ZCCHC14: variants seen among roughly 807,000 people sequenced by gnomAD.
ZCCHC14 encodes the protein zinc finger CCHC domain-containing protein 14.
A neutral mutation model predicts 85.0 loss-of-function variants in ZCCHC14; 16 were observed. The ratio of observed to expected loss-of-function variants is 0.19; its 90% CI spans 0.13 to 0.29. ZCCHC14 has a LOEUF of 0.29. ZCCHC14 is among the 10% of genes least tolerant of loss of function. The pLI is 1.00. For missense variants in ZCCHC14, 1,303 were observed against 1,443.5 expected, an observed-to-expected ratio of 0.90 and a Z score of 1.58; for synonymous variants, 775 against 630.7, an observed-to-expected ratio of 1.23 and a Z score of -3.43.
At chr16:87,478,631 C>T (rs975356981) in intron 1 of ZCCHC14, among the ~76,000 whole-genome samples, 31 of 148,618 alleles carry the variant, frequency 2.1e-4, no homozygotes, top group African/African-American at 7.1e-4. Context: ...TTTTTTGAGA[C>T]GGAGTCTCAC....
intron 10 of ZCCHC14, among the ~76,000 whole-genome samples, chr16:87,414,120 C>T (rs1305468643): frequency 7.3e-6 from 1 of 136,482 alleles, no homozygotes; most frequent in Admixed American, 7.1e-5. Flanking sequence ...GGCACACCGG[C>T]CCTCTCTGTG....
Position 87,492,726 on chromosome 16 carries a change from C to G in ZCCHC14, c.-488G>C, listed in dbSNP as rs1230639596. The G allele has an allele frequency of 1.4e-5, 2 of 146,494 alleles. No individual in the cohort carries two copies. The highest frequency in any genetic ancestry group is 3.0e-5 in the Non-Finnish European group (2 of 65,850). The allele number at this position is 146,494 out of a possible 1,614,324, so 9.1% of individuals were successfully genotyped here. ...CATGCCGTCGCCGCCGCCCGCGCCT[C>G]CGCCCAGGCCGGCCGTTACCCCGGG... On this transcript the variant is annotated 5_prime_UTR_variant, in exon 1 of 13. Coordinates refer to ENST00000671377, the MANE Select transcript of ZCCHC14 (RefSeq NM_015144.3). This position sits in a 1 kb window ranked among gnomAD's most constrained non-coding sequence, Gnocchi z 6.7.
chr16:87,474,180 GC>G (rs1911899467), intron 1 of ZCCHC14: 1 of 152,398 alleles, frequency 6.6e-6, no homozygotes, highest in South Asian at 2.1e-4. Context: ...GCCCAGGCCT[GC>G]TTCTCTGGCA....
At chr16:87,465,532 C>T (rs887269049) in intron 1 of ZCCHC14, among the ~76,000 whole-genome samples, 5 of 152,236 alleles carry the variant, frequency 3.3e-5, no homozygotes, top group African/African-American at 1.2e-4. Flanking sequence ...ACTGAGGTTC[C>T]ACAGTGGCCA....
Position 87,412,443 on chromosome 16 carries a change from T to C in ZCCHC14, c.2278A>G (p.Thr760Ala), listed in dbSNP as rs1908513418. ...TGGAGGACTGTGCTGGGCGTCCCCG[T>C]GGCGGCCGTGCTGGTCTCCACGACC... The part of the protein sequence containing the change: ...ALVVETSTAA[T>A]GTPSTVLHAA... The change falls in exon 12 of 13, where the codon ACG becomes GCG. Residue 760 changes from threonine to alanine, a missense_variant. Thr to Ala is a moderately conservative substitution (Grantham distance 58, BLOSUM62 0). Around this residue, in one of 7 missense-constraint regions of ZCCHC14, gnomAD observed 797 missense variants for 730.8 expected, o/e 1.09. Transcript: ENST00000671377. The C allele has an allele frequency of 2.5e-6, 4 of 1,613,956 alleles. No individual in the cohort carries two copies. Among genetic ancestry groups the C allele is most frequent in the African/African-American group, 2.7e-5 (2 of 75,048 alleles).
At chr16:87,441,640 T>G in intron 2 of ZCCHC14, among the ~76,000 whole-genome samples, 1 of 152,222 alleles carries the variant, frequency 6.6e-6, no homozygotes, top group East Asian at 1.9e-4. Context: ...AGGGGCTTTA[T>G]TGTAGGAAAA....
At chr16:87,487,895 C>T (rs1383649533) in intron 1 of ZCCHC14, among the ~76,000 whole-genome samples, 3 of 148,292 alleles carry the variant, frequency 2.0e-5, no homozygotes, top group African/African-American at 7.5e-5. Context: ...AAGGGCCACA[C>T]GGTGTGTGGT....
chr16:87,423,053 C>T (rs982273843), intron 4 of ZCCHC14, among the ~76,000 whole-genome samples: 6 of 152,174 alleles, frequency 3.9e-5, no homozygotes, highest in African/African-American at 1.4e-4. Flanking sequence ...AAAAGTAAGG[C>T]TCTCTTTGGA....
intron 1 of ZCCHC14, among the ~76,000 whole-genome samples, chr16:87,488,351 G>C (rs571280631): frequency 1.2e-4 from 18 of 152,286 alleles, no homozygotes; most frequent in African/African-American, 2.6e-4. Flanking sequence ...GCAAGCAGCA[G>C]CATTACCGGC....
chr16:87,491,930 G>A lies in ZCCHC14; in HGVS notation c.309C>T (p.Gly103=), dbSNP rs1912791282. ...TGTGCGTGAGCGTGCGGTAGAGCAC[G>A]CCCGCCGCCTCGCGCTGCTCCGAGC... ...LLGSEQREAA[G]VLYRTLTHID... is the part of the protein sequence containing the mutation. The change falls in exon 1 of 13, where the codon GGC becomes GGT. Residue 103 remains glycine, a synonymous_variant. Transcript: ENST00000671377. This position sits in a 1 kb window ranked among gnomAD's most constrained non-coding sequence, Gnocchi z 5.9. 6.8e-7 allele frequency: 1 copy of A among 1,467,090 alleles called. No individual in the cohort carries two copies. The highest frequency in any genetic ancestry group is 1.5e-5 in the African/African-American group (1 of 67,362). 90.9% of individuals were successfully genotyped at this position (1,467,090 alleles called of 1,614,324 possible). A position where few individuals can be genotyped will look rare whatever the true frequency, so the allele number is the denominator to read the frequency against.
At chr16:87,416,587 T>C (rs1908793917) in intron 8 of ZCCHC14, among the ~76,000 whole-genome samples, 1 of 152,004 alleles carries the variant, frequency 6.6e-6, no homozygotes, top group Admixed American at 6.6e-5. Context: ...AAACCCTGAT[T>C]CTACTAAAAA....
chr16:87,483,044 A>T (rs11864816), intron 1 of ZCCHC14, among the ~76,000 whole-genome samples: 22,718 of 151,470 alleles, frequency 0.15, 2,232 homozygotes, highest in East Asian at 0.45. Flanking sequence ...TATAGCATTT[A>T]AAAAAAAAGA....
rs1908201600 is a variant in ZCCHC14, at chr16:87,406,362, A to G, written c.*3918T>C. 6.5e-6 allele frequency: 1 copy of G among 152,686 alleles called. No individual in the cohort carries two copies. Among genetic ancestry groups the G allele is most frequent in the Non-Finnish European group, 1.5e-5 (1 of 68,052 alleles). The allele number at this position is 152,686 out of a possible 1,614,324, so 9.5% of individuals were successfully genotyped here. On this transcript the variant is annotated 3_prime_UTR_variant, in exon 13 of 13. Transcript: ENST00000671377. ...AATAAAACATAAAAACCCCAAAAAC[A>G]GAATACTTGACATTTACAATTCAAA...
rs1445230911 is a variant in ZCCHC14, at chr16:87,410,283, A to G, written c.3258T>C (p.Asp1086=). ...APPAESLDST[D] ...GTTCTGTTGCCAGAGAAAAATATCA[A>G]TCTGTGGAGTCCAGACTTTCTGCTG... Residue 1086 remains aspartate, a synonymous_variant, in exon 13 of 13, where the codon GAT becomes GAC. Coordinates refer to ENST00000671377, the MANE Select transcript of ZCCHC14 (RefSeq NM_015144.3). 2 of 773,424 alleles carry G rather than the reference A, an allele frequency of 2.6e-6. No individual in the cohort carries two copies. The highest frequency in any genetic ancestry group is 2.4e-5 in the East Asian group (1 of 40,856). The allele number at this position is 773,424 out of a possible 1,614,324, so 47.9% of individuals were successfully genotyped here. A position where few individuals can be genotyped will look rare whatever the true frequency, so the allele number is the denominator to read the frequency against.
intron 1 of ZCCHC14, among the ~76,000 whole-genome samples, chr16:87,481,534 GGGGGGGGT>G (rs1912272238): frequency 3.4e-5 from 1 of 29,074 alleles, no homozygotes; most frequent in Non-Finnish European, 9.6e-5. Context: ...AACGGGGGGG[GGGGGGGGT>G]GGGGGGGGGG....
At chr16:87,434,860 G>A (rs548396043) in intron 2 of ZCCHC14, among the ~76,000 whole-genome samples, 16 of 151,938 alleles carry the variant, frequency 1.1e-4, no homozygotes, top group African/African-American at 3.4e-4. Context: ...GTGTAGTGGC[G>A]GACACCTGTA....
At chr16:87,477,142 C>CAAAAAA (rs1567542354) in intron 1 of ZCCHC14, among the ~76,000 whole-genome samples, 2 of 78,606 alleles carry the variant, frequency 2.5e-5, no homozygotes, top group Admixed American at 1.5e-4. Flanking sequence ...AAAAAAAAAA[C>CAAAAAA]AAAACAAAAC....
chr16:87,436,319 G>A (rs1345769508), intron 2 of ZCCHC14, among the ~76,000 whole-genome samples: 5 of 152,362 alleles, frequency 3.3e-5, no homozygotes, highest in East Asian at 3.9e-4. Context: ...GGGCAGTGGC[G>A]GCCCCCCGCC....
intron 1 of ZCCHC14, among the ~76,000 whole-genome samples, chr16:87,484,929 CCT>C (rs1326469673): frequency 6.6e-6 from 1 of 152,052 alleles, no homozygotes; most frequent in Non-Finnish European, 1.5e-5. Context: ...TACAAGTGAC[CCT>C]GAGGAAACAG....
Sources: gnomAD v4.1 joint callset for allele counts (sites outside exome capture counted in the v4.1 genomes callset) on GRCh38, gnomAD v4.1.1 for gene constraint, gnomAD v4.1.1 regional missense constraint, Gnocchi (gnomAD v3.1) non-coding constraint, MANE v1.5 for transcripts, NCBI Gene and HGNC (gene_info 2026-07-23, HGNC 2026-07-21) for gene names.